The following NUP107 variants were observed in gnomAD, a reference collection of about 807,000 sequenced individuals.
The protein encoded by NUP107 is nuclear pore complex protein Nup107.
NUP107 carries 101 observed loss-of-function variants against 141.0 expected under a neutral mutation model. That is an observed-to-expected ratio of 0.72 (90% confidence interval 0.61 to 0.84). NUP107 has a LOEUF of 0.84. NUP107 is among the 40% of genes least tolerant of loss of function. The probability of loss-of-function intolerance (pLI) is 0.00; values close to 1 mark genes in which losing one functional copy is unlikely to be tolerated. For missense variants in NUP107, 941 were observed against 1,102.7 expected, an observed-to-expected ratio of 0.85 and a Z score of 2.08; for synonymous variants, 319 against 363.9, an observed-to-expected ratio of 0.88 and a Z score of 1.41.
intron 22 of NUP107, among the ~76,000 whole-genome samples, chr12:68,732,041 A>G (rs1259952819): frequency 6.6e-6 from 1 of 152,214 alleles, no homozygotes; most frequent in African/African-American, 2.4e-5. Flanking sequence ...TATATCTAAG[A>G]AAACTATTTT....
intron 12 of NUP107, among the ~76,000 whole-genome samples, chr12:68,718,846 T>TTATGTATGTATGTATGTATG (rs72374995): frequency 6.7e-6 from 1 of 148,840 alleles, no homozygotes; most frequent in African/African-American, 2.5e-5. Flanking sequence ...TAGAATGCCA[T>TTATGTATGTATGTATGTATG]TATGTATGTA....
intron 10 of NUP107, among the ~76,000 whole-genome samples, chr12:68,711,979 C>A (rs897846765): frequency 1.3e-5 from 2 of 152,140 alleles, no homozygotes; most frequent in African/African-American, 4.8e-5. Context: ...CAAGAAGACA[C>A]TTCTGTCCTG....
rs749096301 is a variant in NUP107, at chr12:68,735,355, T to C, written c.2502+11T>C. On this transcript the variant is annotated intron_variant, in intron 26 of 27. Transcript: ENST00000229179. ...GTGGATGTTAGAGAGGTAAGCTGTG[T>C]GCATTGTTTATAGCCAAAAACCAAA... 9 of 1,600,082 alleles carry C rather than the reference T, an allele frequency of 5.6e-6. No individual in the cohort carries two copies. The highest frequency in any genetic ancestry group is 1.3e-5 in the African/African-American group (1 of 74,600).
At position 68,689,588 on chromosome 12, in the gene NUP107, C is replaced by T. The variant is rs1303882637; in HGVS notation, c.156C>T (p.Ile52=). ...ATACTACACCAAGAAACCAGGTTAT[C>T]CCTCGAACTCCTAGCTCATTTCGAC... ...FGNTTPRNQV[I]PRTPSSFRQP... is the part of the protein sequence containing the mutation. The change falls in exon 3 of 28, where the codon ATC becomes ATT. Residue 52 remains isoleucine (I), a synonymous_variant. Coordinates refer to ENST00000229179, the MANE Select transcript of NUP107 (RefSeq NM_020401.4). 1.2e-6 allele frequency: 2 copies of T among 1,612,432 alleles called. No homozygotes were observed. The highest frequency in any genetic ancestry group is 1.7e-6 in the Non-Finnish European group (2 of 1,179,314).
rs765544363 is a variant in NUP107, at chr12:68,733,598, A to G, written c.2248A>G (p.Ile750Val). The part of the protein sequence containing the change: ...DDNAIREHLC[I>V]RAYLEAHETF... ...TAATGCTATCCGAGAACATTTGTGC[A>G]TCAGAGCTTATTTGGTGAGACTGTA... Residue 750 changes from isoleucine (I) to valine (V), a missense_variant, in exon 24 of 28, where the codon ATC becomes GTC. By Grantham distance (29) the Ile-to-Val change is conservative. Coordinates refer to ENST00000229179, the MANE Select transcript of NUP107 (RefSeq NM_020401.4). 1.9e-5 allele frequency: 30 copies of G among 1,610,844 alleles called. No homozygotes were observed. Among genetic ancestry groups the G allele is most frequent in the African/African-American group, 8.0e-5 (6 of 74,788 alleles).
chr12:68,691,612 T>C (rs1875786650), intron 4 of NUP107, among the ~76,000 whole-genome samples: 1 of 152,108 alleles, frequency 6.6e-6, no homozygotes, highest in African/African-American at 2.4e-5. Flanking sequence ...GGCAGGTGGA[T>C]CACATGAGGC....
At position 68,689,714 on chromosome 12, in the gene NUP107, G is replaced by A. The variant is rs971162636; in HGVS notation, c.187+95G>A. 28 of 789,622 alleles carry A rather than the reference G, an allele frequency of 3.5e-5. 1 individual carries two copies. Among genetic ancestry groups the A allele is most frequent in the Non-Finnish European group, 5.2e-5 (25 of 478,702 alleles). 48.9% of individuals were successfully genotyped at this position (789,622 alleles called of 1,614,324 possible). On this transcript the variant is annotated intron_variant, in intron 3 of 27. Coordinates refer to ENST00000229179, the MANE Select transcript of NUP107 (RefSeq NM_020401.4). ...CATAATTAGTATAGTATTTGGTTACGATATCAATAAGCACTAATAATAATG... is the reference window on the plus strand; with the variant it reads ...CATAATTAGTATAGTATTTGGTTACAATATCAATAAGCACTAATAATAATG...
At chr12:68,697,756 G>C (rs1375222662) in intron 6 of NUP107, among the ~76,000 whole-genome samples, 1 of 152,120 alleles carries the variant, frequency 6.6e-6, no homozygotes, top group African/African-American at 2.4e-5. Flanking sequence ...TTGGCCAGAC[G>C]TGGTGACTCA....
chr12:68,717,869 A>G (rs1165993991), intron 12 of NUP107, among the ~76,000 whole-genome samples: 1 of 152,206 alleles, frequency 6.6e-6, no homozygotes, highest in East Asian at 1.9e-4. Context: ...CATAGCTCTC[A>G]TAGATTTTAA....
chr12:68,715,690 A>G lies in NUP107; in HGVS notation c.1033A>G (p.Arg345Gly). ...LDDLDREDEV[R>G]LLKYLFTLIR... ...TGATCTGGATAGAGAAGATGAAGTT[A>G]GATTACTCAAATATCTCTTTACTCT... is the stretch of plus-strand genomic sequence containing the variant. The change falls in exon 12 of 28, where the codon AGA (arginine) becomes GGA (glycine). Residue 345 changes from arginine to glycine, a missense_variant. Transcript: ENST00000229179. 2.5e-6 allele frequency: 4 copies of G among 1,613,236 alleles called. No homozygotes were observed. In the South Asian group the frequency reaches 3.3e-5, roughly 13 times the overall value.
intron 15 of NUP107, among the ~76,000 whole-genome samples, 154 bp downstream of exon 15, chr12:68,721,331 A>G (rs1055263816): frequency 3.9e-5 from 6 of 152,186 alleles, no homozygotes; most frequent in Non-Finnish European, 8.8e-5. Flanking sequence ...CATGAATCAG[A>G]TAGTGACTTG....
At position 68,689,540 on chromosome 12, in the gene NUP107, A is replaced by G. The variant is rs765537266; in HGVS notation, c.108A>G (p.Ala36=). Reference sequence around the variant, plus strand: ...TCTTAACTCGTTGTACAGTTCAGGCATCTCAAGATGAAAATTTTGGTAATA... The same window carrying G: ...TCTTAACTCGTTGTACAGTTCAGGCGTCTCAAGATGAAAATTTTGGTAATA... The part of the protein sequence containing the change: ...QSAQKRVLLQ[A]SQDENFGNTT... Residue 36 remains alanine, a synonymous_variant, in exon 3 of 28, where the codon GCA becomes GCG. Transcript: ENST00000229179. 3.7e-6 allele frequency: 6 copies of G among 1,605,598 alleles called. No individual in the cohort carries two copies. The South Asian group carries it at 4.4e-5, about 12-fold the overall frequency.
At chr12:68,712,705 C>CTT (rs771599751) in intron 10 of NUP107, among the ~76,000 whole-genome samples, 1 of 148,880 alleles carries the variant, frequency 6.7e-6, no homozygotes, top group Non-Finnish European at 1.5e-5. Context: ...AGTTAATCTC[C>CTT]TTTTTTTTGC....
intron 8 of NUP107, among the ~76,000 whole-genome samples, chr12:68,705,350 CT>C (rs1565690788): frequency 6.6e-6 from 1 of 151,806 alleles, no homozygotes; most frequent in Non-Finnish European, 1.5e-5. Flanking sequence ...AATTCTTTTC[CT>C]GGTTTTATTA....
intron 6 of NUP107, among the ~76,000 whole-genome samples, chr12:68,697,682 A>G (rs1365487318): frequency 6.6e-6 from 1 of 152,194 alleles, no homozygotes; most frequent in Non-Finnish European, 1.5e-5. Flanking sequence ...AATGAACAAA[A>G]GATGGGAACA....
At chr12:68,687,869 A>G (rs1020499998) in intron 1 of NUP107, 7 of 167,656 alleles carry the variant, frequency 4.2e-5, no homozygotes, top group African/African-American at 1.7e-4. Context: ...GAACTTGCTG[A>G]AAGTTCGGAA....
rs144664793 is a variant in NUP107, at chr12:68,715,292, G to A, written c.970-335G>A. 5.0e-4 allele frequency among the ~76,000 whole-genome samples: 76 copies of A among 152,226 alleles called. No individual in the cohort carries two copies. In the East Asian group the frequency reaches 0.013, roughly 26 times the overall value. ...GGGTGGATCATGAGGTCAGGAGTTC[G>A]AGACCAATCTGGTCAACGTGGTGAA... On this transcript the variant is annotated intron_variant, in intron 11 of 27. Transcript: ENST00000229179.
At chr12:68,709,407 G>T in intron 9 of NUP107, 98 bp downstream of exon 9, 2 of 654,184 alleles carry the variant, frequency 3.1e-6, no homozygotes, top group Middle Eastern at 4.1e-4. Flanking sequence ...ACTGTTTTCT[G>T]AATTTTTTTT....
At position 68,732,702 on chromosome 12, in the gene NUP107, A is replaced by T. The variant is rs760012897; in HGVS notation, c.2064A>T (p.Ala688=). 2.5e-6 allele frequency: 4 copies of T among 1,609,192 alleles called. No homozygotes were observed. The highest frequency in any genetic ancestry group is 1.7e-5 in the Admixed American group (1 of 59,958). Residue 688 remains alanine, a synonymous_variant, in exon 23 of 28, where the codon GCA becomes GCT. Transcript: ENST00000229179. The part of the protein sequence containing the change: ...LVFDPAQRAE[A]LKQGNAIMRK... ...TTGACCCAGCGCAGAGGGCAGAAGC[A>T]CTGAAACAAGGCAATGCAATTATGA...
Sources: gnomAD v4.1 joint callset for allele counts (sites outside exome capture counted in the v4.1 genomes callset) on GRCh38, gnomAD v4.1.1 for gene constraint, MANE v1.5 for transcripts, NCBI Gene and HGNC (gene_info 2026-07-23, HGNC 2026-07-21) for gene names.